The following GALNT13 variants were observed in gnomAD, a reference collection of about 807,000 sequenced individuals.
The protein encoded by GALNT13 is UDP-GalNAc:polypeptide N-acetylgalactosaminyltransferase 13.
In GALNT13, 28 loss-of-function variants were observed where a neutral mutation model predicts 64.2. The ratio of observed to expected loss-of-function variants is 0.44; its 90% CI spans 0.32 to 0.60. The LOEUF is 0.60. GALNT13 is among the 20% of genes least tolerant of loss of function. The pLI, the probability that GALNT13 is intolerant of heterozygous loss-of-function variation, is 0.05. For missense variants in GALNT13, 577 were observed against 669.8 expected, an observed-to-expected ratio of 0.86 and a Z score of 1.53; for synonymous variants, 214 against 224.6, an observed-to-expected ratio of 0.95 and a Z score of 0.42.
intron 3 of GALNT13, among the ~76,000 whole-genome samples, chr2:154,077,788 G>A (rs1255637997): frequency 6.6e-6 from 1 of 151,526 alleles, no homozygotes; most frequent in African/African-American, 2.4e-5. Context: ...TGAAAAACTA[G>A]AGGCAATAAT....
intron 3 of GALNT13, among the ~76,000 whole-genome samples, chr2:154,065,950 A>G (rs902496030): frequency 6.6e-6 from 1 of 151,202 alleles, no homozygotes; most frequent in African/African-American, 2.4e-5. Context: ...AATTTAAAAG[A>G]GCTTTTTTGA....
intron 3 of GALNT13, among the ~76,000 whole-genome samples, chr2:154,126,034 T>C (rs1682239515): frequency 6.6e-6 from 1 of 152,194 alleles, no homozygotes; most frequent in African/African-American, 2.4e-5. Context: ...GGTCTGTTAA[T>C]AGCCAAAACA....
At chr2:153,693,157 C>T in the GALNT13 span, among the ~76,000 whole-genome samples, 2 of 152,150 alleles carry the variant, frequency 1.3e-5, no homozygotes, top group African/African-American at 2.4e-5. Context: ...TTACTCTGCA[C>T]TGGAATAGTC....
intron 4 of GALNT13, among the ~76,000 whole-genome samples, chr2:154,208,366 T>C (rs1233626383): frequency 6.6e-6 from 1 of 152,232 alleles, no homozygotes; most frequent in Non-Finnish European, 1.5e-5. Flanking sequence ...CAAATAAATA[T>C]ATTTTACATA....
chr2:153,394,790 T>C, the GALNT13 span, among the ~76,000 whole-genome samples: 2 of 152,156 alleles, frequency 1.3e-5, no homozygotes, highest in East Asian at 1.9e-4. Context: ...AATACTACCA[T>C]ACATTTGGAA....
chr2:153,899,935 ATT>A (rs1167875826), intron 1 of GALNT13, among the ~76,000 whole-genome samples: 4,198 of 97,702 alleles, frequency 0.043, 94 homozygotes, highest in African/African-American at 0.11. Flanking sequence ...ATATATATAT[ATT>A]TTTTTTTTTT....
At chr2:153,568,095 G>C in the GALNT13 span, among the ~76,000 whole-genome samples, 1 of 152,184 alleles carries the variant, frequency 6.6e-6, no homozygotes, top group Non-Finnish European at 1.5e-5. Flanking sequence ...TCGAATAATA[G>C]ATTGAGCTCT....
At chr2:154,324,238 T>C (rs992170087) in intron 9 of GALNT13, among the ~76,000 whole-genome samples, 1 of 152,036 alleles carries the variant, frequency 6.6e-6, no homozygotes, top group Non-Finnish European at 1.5e-5. Context: ...ATTTTTAGGG[T>C]TTTTAAATTA....
the GALNT13 span, among the ~76,000 whole-genome samples, chr2:153,685,358 C>G: frequency 1.1e-4 from 16 of 152,082 alleles, no homozygotes; most frequent in Admixed American, 8.5e-4. Flanking sequence ...AATAACCATT[C>G]TGAGTAGTGT....
At chr2:154,348,681 A>G (rs1034244242) in intron 9 of GALNT13, among the ~76,000 whole-genome samples, 1 of 151,880 alleles carries the variant, frequency 6.6e-6, no homozygotes, top group East Asian at 1.9e-4. Flanking sequence ...CCAGCAGGGG[A>G]ATCTATTTGA....
intron 8 of GALNT13, among the ~76,000 whole-genome samples, chr2:154,300,807 A>G (rs1693399153): frequency 6.6e-6 from 1 of 152,188 alleles, no homozygotes; most frequent in South Asian, 2.1e-4. Flanking sequence ...AATCAGTCCT[A>G]AAAGCATGCT....
chr2:153,331,986 A>G, the GALNT13 span, among the ~76,000 whole-genome samples: 1 of 152,198 alleles, frequency 6.6e-6, no homozygotes, highest in African/African-American at 2.4e-5. Context: ...ATAGTCTCTG[A>G]GAAGGTTTCG....
At chr2:153,914,521 T>G (rs544867027) in intron 2 of GALNT13, among the ~76,000 whole-genome samples, 4 of 152,234 alleles carry the variant, frequency 2.6e-5, no homozygotes, top group Admixed American at 2.6e-4. Flanking sequence ...TGTATTATTT[T>G]GAGAAAATAG....
chr2:153,819,211 A>T, the GALNT13 span, among the ~76,000 whole-genome samples: 14 of 152,180 alleles, frequency 9.2e-5, no homozygotes, highest in African/African-American at 3.4e-4. Context: ...ATATTTGAGA[A>T]CAGATAAGCC....
At chr2:154,225,147 AC>A (rs1688534567) in intron 4 of GALNT13, among the ~76,000 whole-genome samples, 1 of 79,620 alleles carries the variant, frequency 1.3e-5, no homozygotes, top group South Asian at 3.9e-4. Context: ...TAGATAGATG[AC>A]AGATAGATAG....
the GALNT13 span, among the ~76,000 whole-genome samples, chr2:153,659,868 C>T: frequency 6.6e-6 from 1 of 152,078 alleles, no homozygotes; most frequent in Non-Finnish European, 1.5e-5. Context: ...ATATGAATAA[C>T]TAAGCCAACA....
chr2:153,646,993 TG>T, the GALNT13 span, among the ~76,000 whole-genome samples: 1 of 152,178 alleles, frequency 6.6e-6, no homozygotes, highest in South Asian at 2.1e-4. Context: ...ATGGGATGGC[TG>T]GGTCAAATGG....
intron 11 of GALNT13, among the ~76,000 whole-genome samples, chr2:154,428,823 C>T (rs1278856917): frequency 4.0e-5 from 6 of 151,332 alleles, no homozygotes; most frequent in African/African-American, 2.4e-5. Context: ...GCTCTGTCGC[C>T]CAGGCTGGAG....
At chr2:153,414,280 C>G in the GALNT13 span, among the ~76,000 whole-genome samples, 2 of 151,656 alleles carry the variant, frequency 1.3e-5, no homozygotes, top group Non-Finnish European at 2.9e-5. Context: ...GAGGCTGAGG[C>G]AGGAGAATTG....
Sources: allele counts gnomAD v4.1 joint callset (sites outside exome capture counted in the v4.1 genomes callset), GRCh38; gene constraint gnomAD v4.1.1; transcripts MANE v1.5; gene names NCBI Gene and HGNC (gene_info 2026-07-23, HGNC 2026-07-21).